The following RALYL variants were observed in gnomAD, a reference collection of about 807,000 sequenced individuals.
RALYL encodes RALY RNA binding protein like.
RALYL carries 29 observed loss-of-function variants against 35.1 expected under a neutral mutation model. That is an observed-to-expected ratio of 0.83 (90% CI 0.61 to 1.13). The LOEUF (loss-of-function observed/expected upper bound fraction) is 1.13. Ranked by LOEUF, RALYL falls within the 50% of genes most tolerant of loss-of-function variation. The probability of loss-of-function intolerance (pLI) is 0.00; values close to 1 mark genes in which losing one functional copy is unlikely to be tolerated. For synonymous variants in RALYL, 120 were observed against 127.6 expected, an observed-to-expected ratio of 0.94 and a Z score of 0.40; for missense variants, 359 against 360.4, an observed-to-expected ratio of 1.00 and a Z score of 0.03.
chr8:84,253,603 C>T (rs1249318186), intron 1 of RALYL, among the ~76,000 whole-genome samples: 1 of 152,052 alleles, frequency 6.6e-6, no homozygotes, highest in Non-Finnish European at 1.5e-5. Flanking sequence ...TCCTGCTCTT[C>T]AACCCCCGGG....
intron 2 of RALYL, among the ~76,000 whole-genome samples, chr8:84,732,017 C>A (rs1846270087): frequency 1.3e-5 from 2 of 152,092 alleles, no homozygotes; most frequent in African/African-American, 4.8e-5. Context: ...TCCTTCAGAC[C>A]TCAGGTGAAA....
intron 1 of RALYL, among the ~76,000 whole-genome samples, chr8:84,223,455 G>A (rs1034581324): frequency 9.2e-5 from 14 of 152,106 alleles, no homozygotes; most frequent in African/African-American, 3.4e-4. Context: ...CGATGGGCAA[G>A]GACCATGGTA....
At chr8:84,212,788 T>C (rs1819812342) in intron 1 of RALYL, among the ~76,000 whole-genome samples, 1 of 152,196 alleles carries the variant, frequency 6.6e-6, no homozygotes, top group Non-Finnish European at 1.5e-5. Context: ...CAGTATTCTC[T>C]TAGGCATGCT....
chr8:84,240,053 G>C (rs1002417255), intron 1 of RALYL, among the ~76,000 whole-genome samples: 5 of 152,080 alleles, frequency 3.3e-5, no homozygotes, highest in African/African-American at 1.2e-4. Context: ...ATTCATTGTG[G>C]AAGAATCAGT....
At chr8:84,558,451 C>T (rs10089450) in intron 2 of RALYL, among the ~76,000 whole-genome samples, 1,584 of 152,172 alleles carry the variant, frequency 0.01, 21 homozygotes, top group African/African-American at 0.036. Context: ...CTAGTTGTTT[C>T]ACTTGAAGAC....
At chr8:84,609,749 T>C (rs557661718) in intron 2 of RALYL, among the ~76,000 whole-genome samples, 1 of 152,234 alleles carries the variant, frequency 6.6e-6, no homozygotes, top group Non-Finnish European at 1.5e-5. Context: ...TGAACCAATG[T>C]TGATGTGTTA....
At chr8:84,578,200 G>C (rs1809946198) in intron 2 of RALYL, among the ~76,000 whole-genome samples, 1 of 152,258 alleles carries the variant, frequency 6.6e-6, no homozygotes, top group Non-Finnish European at 1.5e-5. Flanking sequence ...GCAGCTCTGG[G>C]TGCTAGCACA....
chr8:84,330,397 G>T (rs567689049), intron 1 of RALYL, among the ~76,000 whole-genome samples: 12 of 152,022 alleles, frequency 7.9e-5, no homozygotes, highest in Admixed American at 2.6e-4. Flanking sequence ...CTAAGGAAAT[G>T]GTAGATCAAG....
chr8:84,419,174 C>T (rs2045126952), intron 1 of RALYL, among the ~76,000 whole-genome samples: 1 of 152,170 alleles, frequency 6.6e-6, no homozygotes, highest in African/African-American at 2.4e-5. Context: ...AGCCATGCTA[C>T]TATTAATTTA....
chr8:84,293,307 C>G (rs980243115), intron 1 of RALYL, among the ~76,000 whole-genome samples: 1 of 152,118 alleles, frequency 6.6e-6, no homozygotes, highest in African/African-American at 2.4e-5. Context: ...GTAGAACCAT[C>G]GATCCCTTAG....
chr8:84,510,306 A>C (rs1277299331), intron 1 of RALYL, among the ~76,000 whole-genome samples: 2 of 152,192 alleles, frequency 1.3e-5, no homozygotes, highest in Admixed American at 1.3e-4. Flanking sequence ...CTGTATTTTT[A>C]ATTTCAACTC....
chr8:84,676,120 T>C (rs753031382), intron 2 of RALYL, among the ~76,000 whole-genome samples: 1 of 152,130 alleles, frequency 6.6e-6, no homozygotes, highest in Non-Finnish European at 1.5e-5. Context: ...AATAAATAAA[T>C]AAATGAAATG....
intron 1 of RALYL, among the ~76,000 whole-genome samples, chr8:84,255,355 A>G (rs1229419296): frequency 2.0e-5 from 3 of 152,170 alleles, no homozygotes; most frequent in Admixed American, 6.6e-5. Flanking sequence ...TGATTGGTGA[A>G]GATCATGGAA....
At chr8:84,227,183 C>T (rs1432926772) in intron 1 of RALYL, among the ~76,000 whole-genome samples, 1 of 150,474 alleles carries the variant, frequency 6.6e-6, no homozygotes, top group Non-Finnish European at 1.5e-5. Flanking sequence ...GCCTCAGCCT[C>T]CTGAGTAGCT....
At chr8:84,656,552 G>A (rs1829995617) in intron 2 of RALYL, among the ~76,000 whole-genome samples, 1 of 152,040 alleles carries the variant, frequency 6.6e-6, no homozygotes, top group Admixed American at 6.6e-5. Flanking sequence ...TCAGAATCCA[G>A]GTTCATGATG....
intron 1 of RALYL, among the ~76,000 whole-genome samples, chr8:84,242,333 T>C (rs570172543): frequency 1.7e-4 from 26 of 152,350 alleles, no homozygotes; most frequent in Non-Finnish European, 2.2e-4. Flanking sequence ...AATAGAATGA[T>C]TTCTATTCAT....
chr8:84,251,386 T>C (rs1170703495), intron 1 of RALYL, among the ~76,000 whole-genome samples: 1 of 152,148 alleles, frequency 6.6e-6, no homozygotes, highest in African/African-American at 2.4e-5. Context: ...ACTTTCATTG[T>C]CAAATAGTAA....
intron 4 of RALYL, among the ~76,000 whole-genome samples, chr8:84,844,386 C>T (rs967226487): frequency 6.6e-6 from 1 of 152,156 alleles, no homozygotes; most frequent in African/African-American, 2.4e-5. Flanking sequence ...CATCACTGGC[C>T]ATCAGAGAAA....
At position 84,408,840 on chromosome 8, in the gene RALYL, A is replaced by T. The variant is rs181445573; in HGVS notation, c.-23-120459A>T. On this transcript the variant is annotated intron_variant, in intron 1 of 8. Coordinates refer to ENST00000521268, the MANE Select transcript of RALYL (RefSeq NM_173848.7). ...AAATATTATTCTGTATTTACCTGAA[A>T]TTTAAATTTAACTAGATTTTCCATA... Among the ~76,000 whole-genome samples the T allele has an allele frequency of 4.6e-3, 701 of 152,288 alleles. 6 individuals carry two copies. The highest frequency in any genetic ancestry group is 0.016 in the African/African-American group (650 of 41,568).
Sources: gnomAD v4.1 joint callset for allele counts (sites outside exome capture counted in the v4.1 genomes callset) on GRCh38, gnomAD v4.1.1 for gene constraint, MANE v1.5 for transcripts, NCBI Gene and HGNC (gene_info 2026-07-23, HGNC 2026-07-21) for gene names.